The following FGGY variants were observed in gnomAD, a reference collection of about 807,000 sequenced individuals.
The protein encoded by FGGY is FGGY carbohydrate kinase domain containing.
A neutral mutation model predicts 71.3 loss-of-function variants in FGGY; 72 were observed. The ratio of observed to expected loss-of-function variants is 1.01; its 90% confidence interval spans 0.84 to 1.23. The LOEUF (loss-of-function observed/expected upper bound fraction) is 1.23, where lower values mean the gene tolerates loss of function less well. FGGY is among the 50% of genes most tolerant of loss of function. FGGY has a pLI of 0.00. For missense variants in FGGY, 668 were observed against 682.3 expected (o/e 0.98, Z 0.23); for synonymous variants, 251 against 250.3 (o/e 1.00, Z -0.02).
At chr1:59,402,206 A>G (rs2062060415) in intron 5 of FGGY, among the ~76,000 whole-genome samples, 1 of 152,200 alleles carries the variant, frequency 6.6e-6, no homozygotes, top group South Asian at 2.1e-4. Flanking sequence ...TTGCCTCTTT[A>G]GGAAATGGTC....
Position 59,514,817 on chromosome 1 carries a change from T to C in FGGY, c.799+2378T>C, listed in dbSNP as rs148491606. Among the ~76,000 whole-genome samples the C allele has an allele frequency of 1.0e-3, 159 of 152,318 alleles. No individual in the cohort carries two copies. In the East Asian group the frequency reaches 0.021, roughly 20 times the overall value. On this transcript the variant is annotated intron_variant, in intron 7 of 15. Transcript: ENST00000303721. ...CATGATTATGAGACCTCCCCAGCCA[T>C]GTGGAACTGTAAGTCAAATTAAACC... is the stretch of plus-strand genomic sequence containing the variant.
chr1:59,345,083 CAG>C (rs563465295), intron 3 of FGGY, among the ~76,000 whole-genome samples: 10 of 152,214 alleles, frequency 6.6e-5, no homozygotes, highest in African/African-American at 2.2e-4. Context: ...CATTGAAAAA[CAG>C]GGGTTAAAAA....
At chr1:59,368,658 A>G (rs571465286) in intron 4 of FGGY, among the ~76,000 whole-genome samples, 1 of 152,316 alleles carries the variant, frequency 6.6e-6, no homozygotes, top group African/African-American at 2.4e-5. Context: ...TTTGGCTGGG[A>G]TTGTATGGGC....
intron 6 of FGGY, among the ~76,000 whole-genome samples, chr1:59,500,114 G>T (rs1310867686): frequency 6.6e-6 from 1 of 152,142 alleles, no homozygotes; most frequent in African/African-American, 2.4e-5. Context: ...GGCATAGAAG[G>T]TGGAAGCTCA....
chr1:59,727,130 A>T (rs972656356), intron 14 of FGGY, among the ~76,000 whole-genome samples: 1 of 152,180 alleles, frequency 6.6e-6, no homozygotes, highest in Non-Finnish European at 1.5e-5. Context: ...CTGACAAGTG[A>T]GAATATGTGG....
intron 7 of FGGY, 25 bp from the exon 8 acceptor site, chr1:59,554,099 T>A (rs1225402785): frequency 6.5e-7 from 1 of 1,539,900 alleles, no homozygotes; most frequent in South Asian, 1.1e-5. Context: ...TAAAGAGGAT[T>A]TGTTTTTGTT....
intron 6 of FGGY, among the ~76,000 whole-genome samples, chr1:59,498,399 T>C (rs2094116139): frequency 6.6e-6 from 1 of 152,214 alleles, no homozygotes; most frequent in African/African-American, 2.4e-5. Context: ...TTTCTGCTTA[T>C]GTCTCCGGAT....
At chr1:59,331,352 T>G (rs117971491) in intron 2 of FGGY, among the ~76,000 whole-genome samples, 3,170 of 152,292 alleles carry the variant, frequency 0.021, 51 homozygotes, top group East Asian at 0.05. Context: ...ACTTCACTGG[T>G]CACTAGAGTA....
intron 6 of FGGY, among the ~76,000 whole-genome samples, chr1:59,479,135 A>G (rs2093377631): frequency 6.6e-6 from 1 of 152,212 alleles, no homozygotes; most frequent in East Asian, 1.9e-4. Flanking sequence ...CAGAGGATAA[A>G]AATGAGGCAT....
At chr1:59,399,458 T>C (rs1364342017) in intron 5 of FGGY, among the ~76,000 whole-genome samples, 4 of 152,170 alleles carry the variant, frequency 2.6e-5, no homozygotes, top group South Asian at 2.1e-4. Flanking sequence ...TTAGAGAAGT[T>C]AAGAAACTTT....
intron 10 of FGGY, among the ~76,000 whole-genome samples, chr1:59,634,130 G>A (rs1265009907): frequency 2.0e-5 from 3 of 152,190 alleles, no homozygotes; most frequent in Non-Finnish European, 4.4e-5. Flanking sequence ...AACTAGGCCG[G>A]TTGCAGTGGC....
chr1:59,627,454 TTATATATATATATATATA>T (rs60500862), intron 10 of FGGY, among the ~76,000 whole-genome samples: 1 of 97,334 alleles, frequency 1.0e-5, no homozygotes, highest in Non-Finnish European at 2.0e-5. Context: ...ACTTATGATT[TTATATATATATATATATA>T]TATATATATA....
At chr1:59,395,659 T>A (rs2061240368) in intron 5 of FGGY, among the ~76,000 whole-genome samples, 1 of 152,210 alleles carries the variant, frequency 6.6e-6, no homozygotes, top group Non-Finnish European at 1.5e-5. Context: ...TGGCCACTAT[T>A]GTGAGTATTT....
chr1:59,689,898 T>C (rs2097575632), intron 14 of FGGY, among the ~76,000 whole-genome samples: 1 of 152,092 alleles, frequency 6.6e-6, no homozygotes, highest in South Asian at 2.1e-4. Flanking sequence ...AACCCCTCCC[T>C]GACACCTGGG....
intron 7 of FGGY, among the ~76,000 whole-genome samples, chr1:59,533,236 AAG>A (rs1374564405): frequency 6.8e-6 from 1 of 146,340 alleles, no homozygotes; most frequent in Non-Finnish European, 1.5e-5. Flanking sequence ...TAGTCAAAGA[AAG>A]GGGTGACAGC....
rs2097260433 is a variant in FGGY, at chr1:59,660,108, A to G, written c.1222-111A>G. On this transcript the variant is annotated intron_variant, in intron 11 of 15. Coordinates refer to ENST00000303721, the MANE Select transcript of FGGY (RefSeq NM_018291.5). ...CCGCTCACAAAAAGGGGATTTGCAT[A>G]TGAACTTGTTTCGGCAAGAAAACAC... is the stretch of plus-strand genomic sequence containing the variant. 1.2e-5 allele frequency: 11 copies of G among 918,714 alleles called. No individual in the cohort carries two copies. The South Asian group carries it at 1.6e-4, about 14-fold the overall frequency. The allele number at this position is 918,714 out of a possible 1,614,324, so 56.9% of individuals were successfully genotyped here. A position where few individuals can be genotyped will look rare whatever the true frequency, so the allele number is the denominator to read the frequency against.
intron 14 of FGGY, among the ~76,000 whole-genome samples, chr1:59,722,139 A>G (rs1211893600): frequency 6.6e-6 from 1 of 151,058 alleles, no homozygotes; most frequent in Non-Finnish European, 1.5e-5. Flanking sequence ...GATACTTTGT[A>G]GTATGTCCTT....
intron 5 of FGGY, among the ~76,000 whole-genome samples, chr1:59,389,964 G>C (rs1315313720): frequency 6.6e-6 from 1 of 152,150 alleles, no homozygotes; most frequent in Non-Finnish European, 1.5e-5. Flanking sequence ...AAGGGGAGAA[G>C]CACAGTTACT....
intron 1 of FGGY, among the ~76,000 whole-genome samples, chr1:59,308,479 C>T (rs1403910830): frequency 2.0e-5 from 3 of 152,154 alleles, no homozygotes; most frequent in Non-Finnish European, 2.9e-5. Flanking sequence ...TTTCTTTTTG[C>T]TGGATGTCAT....
Sources: gnomAD v4.1 joint callset for allele counts (sites outside exome capture counted in the v4.1 genomes callset) on GRCh38, gnomAD v4.1.1 for gene constraint, MANE v1.5 for transcripts, NCBI Gene and HGNC (gene_info 2026-07-23, HGNC 2026-07-21) for gene names.